The following TUSC3 variants were observed in gnomAD, a reference collection of about 807,000 sequenced individuals.
TUSC3 encodes the protein tumor suppressor candidate 3.
A neutral mutation model predicts 44.8 loss-of-function variants in TUSC3; 45 were observed. That is an observed-to-expected ratio of 1.00 (90% CI 0.79 to 1.29). TUSC3 has a LOEUF of 1.29. Ranked by LOEUF, TUSC3 falls within the 50% of genes most tolerant of loss-of-function variation. TUSC3 has a pLI of 0.00. For missense variants in TUSC3, 519 were observed against 437.9 expected (o/e 1.19, Z -1.65); for synonymous variants, 212 against 152.9 (o/e 1.39, Z -2.85).
At chr8:15,768,612 AT>A (rs1229936483), downstream of TUSC3, among the ~76,000 whole-genome samples, 3 of 152,134 alleles carry the variant, frequency 2.0e-5, no homozygotes, top group African/African-American at 7.2e-5. Flanking sequence ...CAGTAAAGAG[AT>A]AAAAATTATA....
chr8:15,561,241 A>C lies in TUSC3; in HGVS notation c.138+20673A>C, dbSNP rs562011286. ...TCTAACAGACAGGACCCTCAGCTGC[A>C]GGTCTGTTGGAATACCCTGCAGTGT... On this transcript the variant is annotated intron_variant, in intron 1 of 10. Transcript: ENST00000503731. Among the ~76,000 whole-genome samples the C allele has an allele frequency of 6.7e-4, 97 of 144,388 alleles. 2 individuals are homozygous for C. Among genetic ancestry groups the C allele is most frequent in the African/African-American group, 2.4e-3 (96 of 39,422 alleles). 94.7% of individuals were successfully genotyped at this position (144,388 alleles called of 152,430 possible).
intron 1 of TUSC3, among the ~76,000 whole-genome samples, chr8:15,545,946 A>G (rs542427996): frequency 6.6e-6 from 1 of 151,866 alleles, no homozygotes; most frequent in African/African-American, 2.4e-5. Context: ...ATATCAGACT[A>G]TAAATTGCTC....
the TUSC3 span, among the ~76,000 whole-genome samples, chr8:15,838,888 T>G: frequency 6.6e-6 from 1 of 152,212 alleles, no homozygotes; most frequent in Non-Finnish European, 1.5e-5. Flanking sequence ...TTTCCAATTC[T>G]GTGAGGAAAG....
At chr8:15,648,823 C>T (rs1806755102) in intron 2 of TUSC3, among the ~76,000 whole-genome samples, 1 of 147,488 alleles carries the variant, frequency 6.8e-6, no homozygotes, top group African/African-American at 2.5e-5. Context: ...TTCCTTTAAA[C>T]CCGGTGTTTC....
At chr8:15,778,848 T>C in the TUSC3 span, among the ~76,000 whole-genome samples, 77 of 152,308 alleles carry the variant, frequency 5.1e-4, no homozygotes, top group African/African-American at 1.8e-3. Flanking sequence ...TGCAAATCAT[T>C]CAGACTTGAG....
intron 1 of TUSC3, among the ~76,000 whole-genome samples, chr8:15,622,647 C>T (rs371550628): frequency 6.6e-6 from 1 of 152,062 alleles, no homozygotes; most frequent in Non-Finnish European, 1.5e-5. Flanking sequence ...ATAGTTGCAG[C>T]TTTGTGTTTG....
chr8:15,474,481 C>T (rs1041150858), intron 1 of TUSC3, among the ~76,000 whole-genome samples: 1 of 152,058 alleles, frequency 6.6e-6, no homozygotes. Flanking sequence ...CCAGTTGGTC[C>T]CTCCGTTCAG....
the TUSC3 span, among the ~76,000 whole-genome samples, chr8:15,772,787 A>G: frequency 6.6e-6 from 1 of 152,330 alleles, no homozygotes; most frequent in East Asian, 1.9e-4. Context: ...AGGATACTAA[A>G]AGTTTTATAC....
At chr8:15,732,468 C>T (rs1268108026) in intron 7 of TUSC3, among the ~76,000 whole-genome samples, 1 of 152,102 alleles carries the variant, frequency 6.6e-6, no homozygotes, top group Non-Finnish European at 1.5e-5. Context: ...GTCCGTTAAA[C>T]CTTTGTTTCT....
At chr8:15,591,307 T>C (rs1213873228) in intron 1 of TUSC3, among the ~76,000 whole-genome samples, 1 of 149,114 alleles carries the variant, frequency 6.7e-6, no homozygotes, top group African/African-American at 2.5e-5. Flanking sequence ...GGGTTTATTA[T>C]GTCTACATTT....
chr8:15,430,637 G>A (rs1002483578), intron 1 of TUSC3, among the ~76,000 whole-genome samples: 3 of 151,572 alleles, frequency 2.0e-5, no homozygotes, highest in South Asian at 2.1e-4. Context: ...AGGGCAATCA[G>A]GCAGGAGAAG....
chr8:15,654,020 G>C (rs1481945778), intron 3 of TUSC3, among the ~76,000 whole-genome samples: 2 of 152,172 alleles, frequency 1.3e-5, no homozygotes, highest in African/African-American at 4.8e-5. Context: ...TGGTGTGTTA[G>C]AAGGAGCTCT....
chr8:15,434,058 G>C lies in TUSC3; in HGVS notation n.91+16753G>C, dbSNP rs117684386. Among the ~76,000 whole-genome samples, 413 of 152,194 alleles carry C rather than the reference G, an allele frequency of 2.7e-3. 1 individual carries two copies. In the East Asian group the frequency reaches 0.046, roughly 17 times the overall value. On this transcript the variant is annotated intron_variant and non_coding_transcript_variant, in intron 1 of 5. Transcript: ENST00000503191. Reference sequence around the variant, plus strand: ...AACAGTTCCTCAAGGTGACCTTTCCGTTTTGTAGTCTCAATAGCAACGTGA... The same window carrying C: ...AACAGTTCCTCAAGGTGACCTTTCCCTTTTGTAGTCTCAATAGCAACGTGA...
intron 1 of TUSC3, among the ~76,000 whole-genome samples, chr8:15,589,178 C>G (rs779969112): frequency 2.0e-5 from 3 of 152,080 alleles, no homozygotes; most frequent in African/African-American, 7.2e-5. Flanking sequence ...TTTTGCATAC[C>G]TTTACTTTGA....
chr8:15,694,898 T>G (rs1809093168), intron 6 of TUSC3, among the ~76,000 whole-genome samples: 2 of 152,174 alleles, frequency 1.3e-5, no homozygotes, highest in African/African-American at 4.8e-5. Flanking sequence ...GCTGGTTCAC[T>G]TACGCCAGCA....
the TUSC3 span, among the ~76,000 whole-genome samples, chr8:15,841,233 A>G: frequency 6.6e-6 from 1 of 152,172 alleles, no homozygotes; most frequent in Non-Finnish European, 1.5e-5. Context: ...ATGTCCAGAT[A>G]CATAGTTCTA....
chr8:15,597,666 T>C (rs1018461476), intron 1 of TUSC3, among the ~76,000 whole-genome samples: 1 of 152,116 alleles, frequency 6.6e-6, no homozygotes, highest in Non-Finnish European at 1.5e-5. Context: ...TGATATTAGA[T>C]TGACAGTAGT....
At chr8:15,760,656 C>T (rs1043157200) in intron 10 of TUSC3, among the ~76,000 whole-genome samples, 2 of 152,262 alleles carry the variant, frequency 1.3e-5, no homozygotes, top group Non-Finnish European at 2.9e-5. Context: ...AATAAAGTTT[C>T]ATTGAAACGC....
chr8:15,459,584 T>G (rs1252761421), intron 1 of TUSC3, among the ~76,000 whole-genome samples: 1 of 152,122 alleles, frequency 6.6e-6, no homozygotes. Flanking sequence ...CAGTATACAC[T>G]GCACCCTATT....
Sources: gnomAD v4.1 joint callset for allele counts (sites outside exome capture counted in the v4.1 genomes callset) on GRCh38, gnomAD v4.1.1 for gene constraint, MANE v1.5 for transcripts, NCBI Gene and HGNC (gene_info 2026-07-23, HGNC 2026-07-21) for gene names.